ADGRB3: variants seen among roughly 807,000 people sequenced by gnomAD.
ADGRB3 encodes the protein brain-specific angiogenesis inhibitor 3.
Under a neutral mutation model 193.4 loss-of-function variants are expected in ADGRB3, and 37 were observed. That is an observed-to-expected ratio of 0.19 (90% CI 0.15 to 0.25). ADGRB3 has a LOEUF of 0.25. Among genes scored for constraint, ADGRB3 ranks in the 10% least tolerant of loss-of-function variants. ADGRB3 has a pLI of 1.00. For synonymous variants in ADGRB3, 690 were observed against 644.2 expected (o/e 1.07, Z -1.08); for missense variants, 1,637 against 1,852.9 (o/e 0.88, Z 2.14).
chr6:69,169,968 T>C (rs1269900821), intron 17 of ADGRB3, among the ~76,000 whole-genome samples: 1 of 152,110 alleles, frequency 6.6e-6, no homozygotes, highest in African/African-American at 2.4e-5. Flanking sequence ...TCTTGGAACC[T>C]AACAATTCTA....
chr6:69,075,026 T>C (rs1242097377), intron 16 of ADGRB3, among the ~76,000 whole-genome samples: 1 of 152,188 alleles, frequency 6.6e-6, no homozygotes, highest in Non-Finnish European at 1.5e-5. Context: ...TTGCAGTGTA[T>C]GAGTAATACC....
chr6:68,929,732 G>A lies in ADGRB3; in HGVS notation c.758-827G>A, dbSNP rs536499275. On this transcript the variant is annotated intron_variant, in intron 3 of 31. Coordinates refer to ENST00000370598, the MANE Select transcript of ADGRB3 (RefSeq NM_001704.3). ...GTTCAATAAGCACAGATCTCTTGCA[G>A]AATTCTAAGAATATGAATTTTTAAA... 2.6e-5 allele frequency among the ~76,000 whole-genome samples: 4 copies of A among 152,190 alleles called. No individual in the cohort carries two copies. In the South Asian group the frequency reaches 8.3e-4, roughly 32 times the overall value.
intron 3 of ADGRB3, among the ~76,000 whole-genome samples, chr6:68,753,206 G>T (rs748180272): frequency 1.3e-5 from 2 of 152,126 alleles, no homozygotes; most frequent in Non-Finnish European, 2.9e-5. Flanking sequence ...CAATGAATCT[G>T]TAATACTTAA....
At chr6:68,728,413 A>T (rs1330792622) in intron 3 of ADGRB3, among the ~76,000 whole-genome samples, 3 of 151,598 alleles carry the variant, frequency 2.0e-5, no homozygotes, top group Non-Finnish European at 4.4e-5. Flanking sequence ...AAAAAAGAAA[A>T]AGCACTTTTT....
intron 29 of ADGRB3, among the ~76,000 whole-genome samples, chr6:69,369,695 CAAAAAAAAAA>C (rs913608447): frequency 1.7e-5 from 1 of 59,528 alleles, no homozygotes; most frequent in South Asian, 5.5e-4. Context: ...AAGACCATTT[CAAAAAAAAAA>C]AAAAAAAAAG....
intron 17 of ADGRB3, among the ~76,000 whole-genome samples, chr6:69,190,883 T>C (rs1414320787): frequency 6.6e-6 from 1 of 152,188 alleles, no homozygotes; most frequent in Non-Finnish European, 1.5e-5. Context: ...CAGTAACATG[T>C]TGCACAAGTC....
intron 3 of ADGRB3, among the ~76,000 whole-genome samples, chr6:68,877,864 C>A (rs917180600): frequency 5.3e-5 from 8 of 152,040 alleles, no homozygotes; most frequent in African/African-American, 1.9e-4. Flanking sequence ...TGATCTATCA[C>A]TCCTATCTTG....
chr6:68,888,278 T>C (rs1006844958), intron 3 of ADGRB3, among the ~76,000 whole-genome samples: 3 of 152,134 alleles, frequency 2.0e-5, no homozygotes, highest in Admixed American at 6.5e-5. Context: ...GACTTATTAA[T>C]GCAGTTCAAT....
chr6:68,673,036 C>G (rs760264652), intron 3 of ADGRB3, among the ~76,000 whole-genome samples: 2 of 151,946 alleles, frequency 1.3e-5, no homozygotes, highest in Non-Finnish European at 2.9e-5. Context: ...CTCTCTCTCT[C>G]TCTCTCTCAG....
At chr6:69,367,577 T>C (rs1292046934) in intron 29 of ADGRB3, among the ~76,000 whole-genome samples, 10 of 152,026 alleles carry the variant, frequency 6.6e-5, no homozygotes. Flanking sequence ...AGATGGTATG[T>C]GATTGTGGTT....
At chr6:68,662,823 CA>C (rs1405995494) in intron 3 of ADGRB3, among the ~76,000 whole-genome samples, 1 of 151,084 alleles carries the variant, frequency 6.6e-6, no homozygotes, top group Non-Finnish European at 1.5e-5. Context: ...CTCGATTTGA[CA>C]AATTAACTAC....
At chr6:69,128,711 A>G (rs1193947814) in intron 17 of ADGRB3, among the ~76,000 whole-genome samples, 1 of 152,180 alleles carries the variant, frequency 6.6e-6, no homozygotes, top group Non-Finnish European at 1.5e-5. Flanking sequence ...TTCAAAATGT[A>G]GGTTTAGCTT....
At chr6:68,736,357 T>C (rs986644218) in intron 3 of ADGRB3, among the ~76,000 whole-genome samples, 1 of 152,138 alleles carries the variant, frequency 6.6e-6, no homozygotes, top group African/African-American at 2.4e-5. Context: ...ATAATTAACA[T>C]TGAATATCTC....
intron 3 of ADGRB3, among the ~76,000 whole-genome samples, chr6:68,686,861 A>G (rs1316981126): frequency 6.6e-6 from 1 of 152,176 alleles, no homozygotes; most frequent in Non-Finnish European, 1.5e-5. Context: ...TTCATAAGGC[A>G]TCAGTGATTT....
intron 3 of ADGRB3, among the ~76,000 whole-genome samples, chr6:68,659,434 T>C (rs574858280): frequency 6.6e-6 from 1 of 150,846 alleles, no homozygotes; most frequent in South Asian, 2.1e-4. Context: ...CATAAGATGA[T>C]TTAAAGTTTC....
At chr6:69,297,507 T>A (rs1767855702) in intron 20 of ADGRB3, among the ~76,000 whole-genome samples, 1 of 151,846 alleles carries the variant, frequency 6.6e-6, no homozygotes, top group Non-Finnish European at 1.5e-5. Flanking sequence ...GCAAAGGTGA[T>A]AGCTCCAAGC....
intron 3 of ADGRB3, among the ~76,000 whole-genome samples, chr6:68,859,454 C>A (rs1260092790): frequency 3.3e-5 from 5 of 152,146 alleles, no homozygotes; most frequent in African/African-American, 4.8e-5. Flanking sequence ...TTCGTCTGTT[C>A]TCACACTGCT....
chr6:69,058,369 T>G lies in ADGRB3; in HGVS notation c.2334-4565T>G, dbSNP rs571795025. Among the ~76,000 whole-genome samples the G allele has an allele frequency of 1.5e-4, 23 of 152,028 alleles. No homozygotes were observed. In the South Asian group the frequency reaches 4.8e-3, roughly 32 times the overall value. ...TCTTTTTAAAAAGGGTTTGTCAATT[T>G]TGTATATTTTTTCTCCAAAAATCAA... On this transcript the variant is annotated intron_variant, in intron 15 of 31. Coordinates refer to ENST00000370598, the MANE Select transcript of ADGRB3 (RefSeq NM_001704.3).
chr6:69,068,320 A>G (rs1453129385), intron 16 of ADGRB3, among the ~76,000 whole-genome samples: 1 of 152,192 alleles, frequency 6.6e-6, no homozygotes, highest in Non-Finnish European at 1.5e-5. Context: ...ACATATCATT[A>G]TATTGCTTTT....
Sources: allele counts gnomAD v4.1 joint callset (sites outside exome capture counted in the v4.1 genomes callset), GRCh38; gene constraint gnomAD v4.1.1; transcripts MANE v1.5; gene names NCBI Gene and HGNC (gene_info 2026-07-23, HGNC 2026-07-21).